The following MAML2 variants were observed in gnomAD, a reference collection of about 807,000 sequenced individuals.
MAML2 encodes the protein mastermind-like protein 2.
A neutral mutation model predicts 96.1 loss-of-function variants in MAML2; 22 were observed. The observed-to-expected ratio is 0.23, with a 90% CI of 0.16 to 0.33. MAML2 has a LOEUF of 0.33. Among genes scored for constraint, MAML2 ranks in the 10% least tolerant of loss-of-function variants. The pLI is 1.00. For missense variants in MAML2, 1,367 were observed against 1,392.4 expected (o/e 0.98, Z 0.29); for synonymous variants, 561 against 521.3 (o/e 1.08, Z -1.04).
intron 4 of MAML2, 54 bp from the exon 5 acceptor site, chr11:95,980,017 T>A: frequency 7.3e-7 from 1 of 1,378,344 alleles, no homozygotes; most frequent in East Asian, 2.3e-5. Context: ...ATCTCCTCTG[T>A]AACTGCACTT....
chr11:96,042,367 C>T (rs1234915705), intron 2 of MAML2, among the ~76,000 whole-genome samples: 1 of 152,140 alleles, frequency 6.6e-6, no homozygotes, highest in Non-Finnish European at 1.5e-5. Context: ...GATGATCCAC[C>T]TGCCTCGGCC....
chr11:96,278,163 A>G (rs1409394582), intron 1 of MAML2, among the ~76,000 whole-genome samples: 3 of 152,058 alleles, frequency 2.0e-5, no homozygotes, highest in African/African-American at 7.2e-5. Flanking sequence ...TTCTGTGTTC[A>G]TATTCCGTAT....
chr11:96,056,855 A>T (rs1225122143), intron 2 of MAML2, among the ~76,000 whole-genome samples: 1 of 152,224 alleles, frequency 6.6e-6, no homozygotes, highest in Non-Finnish European at 1.5e-5. Context: ...TCATTCAAAA[A>T]ATAATAATGT....
chr11:95,979,607 G>C lies in MAML2; in HGVS notation c.2812C>G (p.Pro938Ala), dbSNP rs1471583211. The C allele has an allele frequency of 6.2e-7, 1 of 1,613,898 alleles. No homozygotes were observed. The highest frequency in any genetic ancestry group is 1.1e-5 in the South Asian group (1 of 91,080). ...GSVGNSQQLR[P>A]NLTHSMASMP... ...CTTGCCATACTATGGGTTAAATTTG[G>C]TCTCAATTGTTGTGAATTACCAACA... Residue 938 changes from proline (P) to alanine (A), a missense_variant, in exon 5 of 5, where the codon CCA becomes GCA. Transcript: ENST00000524717.
At chr11:96,307,720 CT>C (rs139197563) in intron 1 of MAML2, among the ~76,000 whole-genome samples, 1,558 of 152,308 alleles carry the variant, frequency 0.01, 24 homozygotes, top group African/African-American at 0.036. Context: ...GCACCACTTC[CT>C]TTATGACCGC....
At chr11:96,205,570 A>G (rs904333822) in intron 1 of MAML2, among the ~76,000 whole-genome samples, 5 of 152,238 alleles carry the variant, frequency 3.3e-5, no homozygotes, top group South Asian at 2.1e-4. Flanking sequence ...GACACCTTCA[A>G]ACATGATAAT....
intron 1 of MAML2, among the ~76,000 whole-genome samples, chr11:96,234,586 A>G (rs1862341757): frequency 6.6e-6 from 1 of 151,826 alleles, no homozygotes; most frequent in Non-Finnish European, 1.5e-5. Context: ...CATTTGACTC[A>G]CTCCCAGAGA....
Position 95,991,520 on chromosome 11 carries a change from C to A in MAML2, c.2343G>T (p.Ala781=). The change falls in exon 3 of 5, where the codon GCG becomes GCT. Residue 781 remains alanine, a splice_region_variant and synonymous_variant. Coordinates refer to ENST00000524717, the MANE Select transcript of MAML2 (RefSeq NM_032427.4). ...LLLQQQMLAD[A]EKIAPQDQIN... The stretch of plus-strand genomic sequence containing the variant: ...AGTAGAAATTAAGAGAAAGTTTTAC[C>A]GCGTCAGCCAGCATCTGCTGCTGGA... 6.2e-7 allele frequency: 1 copy of A among 1,613,402 alleles called. No homozygotes were observed. Among genetic ancestry groups the A allele is most frequent in the Non-Finnish European group, 8.5e-7 (1 of 1,179,502 alleles).
chr11:96,040,494 C>G (rs542849920), intron 2 of MAML2, among the ~76,000 whole-genome samples: 1 of 152,126 alleles, frequency 6.6e-6, no homozygotes, highest in Non-Finnish European at 1.5e-5. Flanking sequence ...TGGCTGGGCA[C>G]GGTGGCTCAC....
rs1476597427 is a variant in MAML2, at chr11:96,342,442, A to G, written c.-547T>C. ...TAACCAGCAGCCTTGACTTTTCCTCAGGTTAAATAAAAAACCAAAACAAAA... is the reference window on the plus strand; with the variant it reads ...TAACCAGCAGCCTTGACTTTTCCTCGGGTTAAATAAAAAACCAAAACAAAA... On this transcript the variant is annotated 5_prime_UTR_variant, in exon 1 of 5. Transcript: ENST00000524717. 3 of 398,616 alleles carry G rather than the reference A, an allele frequency of 7.5e-6. No homozygotes were observed. The highest frequency in any genetic ancestry group is 8.8e-6 in the Non-Finnish European group (2 of 226,158). 24.7% of individuals were successfully genotyped at this position (398,616 alleles called of 1,614,324 possible). A position where few individuals can be genotyped will look rare whatever the true frequency, so the allele number is the denominator to read the frequency against.
At chr11:96,199,354 G>A (rs12289005) in intron 1 of MAML2, among the ~76,000 whole-genome samples, 5,204 of 152,146 alleles carry the variant, frequency 0.034, 292 homozygotes, top group African/African-American at 0.12. Context: ...GAGACGGAAC[G>A]TGGATCCCTG....
chr11:96,174,572 C>T (rs532151977), intron 1 of MAML2, among the ~76,000 whole-genome samples: 22 of 152,216 alleles, frequency 1.4e-4, no homozygotes, highest in Non-Finnish European at 2.4e-4. Flanking sequence ...TTAGTAGAGA[C>T]GGGGTTTCAC....
At chr11:96,054,255 G>T (rs1859029753) in intron 2 of MAML2, among the ~76,000 whole-genome samples, 1 of 152,158 alleles carries the variant, frequency 6.6e-6, no homozygotes, top group Non-Finnish European at 1.5e-5. Flanking sequence ...TATTTTAGGG[G>T]AATGCTGTTT....
chr11:96,222,749 T>G (rs1591081143), intron 1 of MAML2, among the ~76,000 whole-genome samples: 2 of 152,304 alleles, frequency 1.3e-5, no homozygotes, highest in East Asian at 3.9e-4. Context: ...GCCCTTAAAG[T>G]TAAATATATG....
chr11:96,257,632 T>G (rs891900634), intron 1 of MAML2, among the ~76,000 whole-genome samples: 2 of 152,184 alleles, frequency 1.3e-5, no homozygotes, highest in Non-Finnish European at 2.9e-5. Flanking sequence ...CAAGACAATA[T>G]GCATTGATGG....
intron 1 of MAML2, among the ~76,000 whole-genome samples, chr11:96,318,347 C>T (rs1051398923): frequency 2.6e-5 from 4 of 152,118 alleles, no homozygotes; most frequent in African/African-American, 7.2e-5. Context: ...GACTAAAATC[C>T]GATATGATCG....
At chr11:96,193,885 G>A (rs1464459723) in intron 1 of MAML2, among the ~76,000 whole-genome samples, 2 of 152,130 alleles carry the variant, frequency 1.3e-5, no homozygotes, top group African/African-American at 4.8e-5. Flanking sequence ...ACCACCATAT[G>A]GTTCATTTCT....
chr11:95,985,120 G>T (rs1045436792), intron 4 of MAML2, among the ~76,000 whole-genome samples: 1 of 152,190 alleles, frequency 6.6e-6, no homozygotes, highest in Non-Finnish European at 1.5e-5. Context: ...TGTCTTTGAA[G>T]GGGAAACCTT....
At chr11:96,259,823 C>G (rs370024578) in intron 1 of MAML2, among the ~76,000 whole-genome samples, 2 of 152,204 alleles carry the variant, frequency 1.3e-5, no homozygotes, top group East Asian at 3.9e-4. Flanking sequence ...TCTGAACAAT[C>G]TCAATGTGAA....
Sources: gnomAD v4.1 joint callset for allele counts (sites outside exome capture counted in the v4.1 genomes callset) on GRCh38, gnomAD v4.1.1 for gene constraint, MANE v1.5 for transcripts, NCBI Gene and HGNC (gene_info 2026-07-23, HGNC 2026-07-21) for gene names.